ROBO2: variants seen among roughly 807,000 people sequenced by gnomAD.
The protein encoded by ROBO2 is roundabout guidance receptor 2.
In ROBO2, 53 loss-of-function variants were observed where a neutral mutation model predicts 160.8. That is an observed-to-expected ratio of 0.33 (90% confidence interval 0.26 to 0.41). The LOEUF is 0.41. Ranked by LOEUF, ROBO2 falls within the 10% of genes least tolerant of loss-of-function variation. The pLI, the probability that ROBO2 is intolerant of heterozygous loss-of-function variation, is 1.00. For synonymous variants in ROBO2, 664 were observed against 611.7 expected, an observed-to-expected ratio of 1.09 and a Z score of -1.26; for missense variants, 1,577 against 1,722.4, an observed-to-expected ratio of 0.92 and a Z score of 1.49.
At chr3:76,385,784 C>CA (rs887922899) in intron 2 of ROBO2, among the ~76,000 whole-genome samples, 5 of 150,976 alleles carry the variant, frequency 3.3e-5, no homozygotes, top group South Asian at 2.1e-4. Flanking sequence ...GAAAGAGTGG[C>CA]AAAAAAAAGA....
At chr3:76,402,273 G>A (rs910882391) in intron 2 of ROBO2, among the ~76,000 whole-genome samples, 13 of 151,484 alleles carry the variant, frequency 8.6e-5, no homozygotes, top group Non-Finnish European at 1.0e-4. Context: ...TATGTCCCCA[G>A]TGGTAAACAC....
At chr3:76,486,652 A>G (rs2079514194) in intron 2 of ROBO2, among the ~76,000 whole-genome samples, 1 of 152,198 alleles carries the variant, frequency 6.6e-6, no homozygotes, top group African/African-American at 2.4e-5. Flanking sequence ...AAATATTAGA[A>G]AAACCAAAAT....
intron 1 of ROBO2, among the ~76,000 whole-genome samples, chr3:77,075,133 A>G (rs921703614): frequency 1.3e-5 from 2 of 152,212 alleles, no homozygotes; most frequent in Non-Finnish European, 2.9e-5. Flanking sequence ...CTCTTTATAT[A>G]TCAGCATTAT....
chr3:77,020,188 A>G (rs1308113302), intron 2 of ROBO2, among the ~76,000 whole-genome samples: 1 of 152,170 alleles, frequency 6.6e-6, no homozygotes, highest in Admixed American at 6.5e-5. Context: ...AATTCACCTC[A>G]CCCTATACTA....
chr3:77,558,225 C>G, intron 9 of ROBO2, 76 bp downstream of exon 10: 1 of 1,168,186 alleles, frequency 8.6e-7, no homozygotes, highest in East Asian at 2.4e-5. Flanking sequence ...GCATAGTGAA[C>G]TTAAAATCTT....
At chr3:76,142,389 T>G (rs2071704450) in intron 2 of ROBO2, among the ~76,000 whole-genome samples, 1 of 151,990 alleles carries the variant, frequency 6.6e-6, no homozygotes, top group Non-Finnish European at 1.5e-5. Flanking sequence ...CAGCACTGTT[T>G]ACAGTAGCTA....
At chr3:76,615,527 A>G (rs1338691053) in intron 2 of ROBO2, among the ~76,000 whole-genome samples, 1 of 152,202 alleles carries the variant, frequency 6.6e-6, no homozygotes, top group Non-Finnish European at 1.5e-5. Flanking sequence ...ATAGAAACAC[A>G]AGTGATAATA....
At chr3:77,470,932 G>T (rs2083291733) in intron 2 of ROBO2, among the ~76,000 whole-genome samples, 1 of 152,012 alleles carries the variant, frequency 6.6e-6, no homozygotes, top group East Asian at 1.9e-4. Context: ...GTGTTGTTTG[G>T]GTCTCCTGCG....
At chr3:75,971,051 TAAAA>T (rs1197002478) in intron 2 of ROBO2, among the ~76,000 whole-genome samples, 3 of 149,566 alleles carry the variant, frequency 2.0e-5, no homozygotes, top group East Asian at 2.0e-4. Context: ...CTTCTTAAAA[TAAAA>T]AAAAAATTTA....
chr3:76,342,264 CAAGT>C (rs1193449323), intron 2 of ROBO2, among the ~76,000 whole-genome samples: 1 of 152,160 alleles, frequency 6.6e-6, no homozygotes, highest in South Asian at 2.1e-4. Flanking sequence ...TGCAAACTAA[CAAGT>C]AAGCCTGTCA....
chr3:76,940,916 T>C (rs1180594420), intron 2 of ROBO2, among the ~76,000 whole-genome samples: 3 of 152,250 alleles, frequency 2.0e-5, no homozygotes, highest in Admixed American at 2.0e-4. Context: ...TATATCTAAC[T>C]GCTTGCTTGA....
chr3:76,888,692 T>A (rs1194010992), intron 2 of ROBO2, among the ~76,000 whole-genome samples: 2 of 152,190 alleles, frequency 1.3e-5, no homozygotes, highest in Non-Finnish European at 2.9e-5. Flanking sequence ...CATCTATAGA[T>A]ACATCACCCT....
chr3:76,121,364 T>C (rs1576944253), intron 2 of ROBO2, among the ~76,000 whole-genome samples: 1 of 152,290 alleles, frequency 6.6e-6, no homozygotes, highest in African/African-American at 2.4e-5. Context: ...TGTCTAACTG[T>C]ACATAGCAAA....
chr3:76,218,256 A>G (rs147456044), intron 2 of ROBO2, among the ~76,000 whole-genome samples: 2,951 of 152,300 alleles, frequency 0.019, 124 homozygotes, highest in African/African-American at 0.067. Context: ...CTGGCACAAG[A>G]CAGGGATGCC....
chr3:76,920,997 C>T (rs1346109026), intron 2 of ROBO2, among the ~76,000 whole-genome samples: 4 of 152,018 alleles, frequency 2.6e-5, no homozygotes, highest in South Asian at 4.2e-4. Flanking sequence ...GTTCAGAGGG[C>T]GAACAGTATT....
chr3:76,684,465 A>G (rs1018168040), intron 2 of ROBO2, among the ~76,000 whole-genome samples: 6 of 152,130 alleles, frequency 3.9e-5, no homozygotes, highest in Non-Finnish European at 8.8e-5. Flanking sequence ...AAGGAGAAAA[A>G]GGGCAATACT....
At chr3:76,686,644 CAG>C (rs1271982299) in intron 2 of ROBO2, among the ~76,000 whole-genome samples, 1 of 151,964 alleles carries the variant, frequency 6.6e-6, no homozygotes, top group African/African-American at 2.4e-5. Flanking sequence ...GAGAGAGAAA[CAG>C]AAACATTCCC....
intron 2 of ROBO2, among the ~76,000 whole-genome samples, chr3:76,378,189 A>G (rs918665344): frequency 3.0e-4 from 46 of 152,200 alleles, no homozygotes; most frequent in Admixed American, 9.8e-4. Flanking sequence ...ATAAACCTCT[A>G]TACTCATTAC....
At chr3:77,146,835 G>C (rs141695174) in intron 2 of ROBO2, among the ~76,000 whole-genome samples, 1,542 of 152,210 alleles carry the variant, frequency 0.01, 13 homozygotes, top group Middle Eastern at 0.017. Flanking sequence ...GGGTGTGGTG[G>C]CACGCGCCTG....
Sources: gnomAD v4.1 joint callset for allele counts (sites outside exome capture counted in the v4.1 genomes callset) on GRCh38, gnomAD v4.1.1 for gene constraint, MANE v1.5 for transcripts, NCBI Gene and HGNC (gene_info 2026-07-23, HGNC 2026-07-21) for gene names.